The following MEI4 variants were observed in gnomAD, a reference collection of about 807,000 sequenced individuals.
MEI4 encodes meiotic double-stranded break formation protein 4.
Under a neutral mutation model 31.4 loss-of-function variants are expected in MEI4, and 27 were observed. That is an observed-to-expected ratio of 0.86 (90% CI 0.63 to 1.19). The LOEUF is 1.19. Among genes scored for constraint, MEI4 ranks in the 50% most tolerant of loss-of-function variants. The pLI is 0.00. For missense variants in MEI4, 329 were observed against 398.9 expected, an observed-to-expected ratio of 0.82 and a Z score of 1.49; for synonymous variants, 122 against 145.4, an observed-to-expected ratio of 0.84 and a Z score of 1.16.
intron 1 of MEI4, among the ~76,000 whole-genome samples, chr6:77,674,058 G>C (rs1383345316): frequency 2.0e-5 from 3 of 152,192 alleles, no homozygotes; most frequent in Non-Finnish European, 4.4e-5. Flanking sequence ...GTTTCAGGTA[G>C]AACTGAAATG....
chr6:77,680,171 C>G (rs13192737), intron 1 of MEI4, among the ~76,000 whole-genome samples: 2 of 142,490 alleles, frequency 1.4e-5, no homozygotes, highest in Non-Finnish European at 3.0e-5. Flanking sequence ...CCCAGCTACT[C>G]AGGAGGCTGA....
intron 4 of MEI4, among the ~76,000 whole-genome samples, chr6:77,921,304 T>A (rs1191250297): frequency 6.6e-6 from 1 of 151,888 alleles, no homozygotes; most frequent in Non-Finnish European, 1.5e-5. Context: ...CTGCTATCTA[T>A]CTTCAGAGTG....
chr6:77,877,869 A>G (rs996104111), intron 4 of MEI4, among the ~76,000 whole-genome samples: 3 of 152,094 alleles, frequency 2.0e-5, no homozygotes, highest in African/African-American at 7.2e-5. Context: ...ACAAAAAAAA[A>G]GATTGCTTGT....
chr6:77,735,796 G>A (rs541240632), intron 2 of MEI4, among the ~76,000 whole-genome samples: 2 of 152,144 alleles, frequency 1.3e-5, no homozygotes, highest in African/African-American at 2.4e-5. Context: ...TGATGGTGAC[G>A]TACAGATGGG....
intron 4 of MEI4, among the ~76,000 whole-genome samples, chr6:77,904,251 T>C (rs533301586): frequency 6.6e-6 from 1 of 152,308 alleles, no homozygotes; most frequent in East Asian, 1.9e-4. Context: ...ACGTAAAGCA[T>C]CTTATAGTTA....
chr6:77,864,912 T>C (rs1036219410), intron 4 of MEI4, among the ~76,000 whole-genome samples: 1 of 152,120 alleles, frequency 6.6e-6, no homozygotes, highest in African/African-American at 2.4e-5. Context: ...AAACTAGGAC[T>C]CAGGATTAAG....
intron 2 of MEI4, among the ~76,000 whole-genome samples, chr6:77,707,702 G>C (rs1161832712): frequency 4.6e-5 from 7 of 152,222 alleles, no homozygotes; most frequent in Non-Finnish European, 8.8e-5. Flanking sequence ...ATGGTTTTCT[G>C]AGTCAGGCCC....
At chr6:77,687,196 G>C (rs759332778) in intron 1 of MEI4, among the ~76,000 whole-genome samples, 1 of 151,998 alleles carries the variant, frequency 6.6e-6, no homozygotes, top group Non-Finnish European at 1.5e-5. Context: ...CAAGTAAGCT[G>C]TGCTGGAATT....
At chr6:77,685,312 C>CTTTTTTT (rs56264627) in intron 1 of MEI4, among the ~76,000 whole-genome samples, 1 of 128,230 alleles carries the variant, frequency 7.8e-6, no homozygotes. Context: ...TGTCCCTTCA[C>CTTTTTTT]TTTTTTTTTT....
chr6:77,781,018 C>G (rs1384628), intron 3 of MEI4, among the ~76,000 whole-genome samples: 31,218 of 151,958 alleles, frequency 0.21, 3,576 homozygotes, highest in African/African-American at 0.3. Flanking sequence ...TCTCTAGTAG[C>G]CGAGACTGCA....
At chr6:77,731,485 T>G (rs932342464) in intron 2 of MEI4, among the ~76,000 whole-genome samples, 11 of 151,448 alleles carry the variant, frequency 7.3e-5, no homozygotes, top group Admixed American at 6.6e-4. Context: ...GTTTGTTTTT[T>G]TCTTGTAAAT....
intron 4 of MEI4, among the ~76,000 whole-genome samples, chr6:77,857,391 C>T (rs1770771202): frequency 6.6e-6 from 1 of 152,138 alleles, no homozygotes; most frequent in African/African-American, 2.4e-5. Flanking sequence ...TTGGCTTCAT[C>T]ACAAAGAATG....
At chr6:77,692,391 TCTTTA>T (rs1172311956) in intron 2 of MEI4, among the ~76,000 whole-genome samples, 2 of 152,062 alleles carry the variant, frequency 1.3e-5, no homozygotes, top group Non-Finnish European at 2.9e-5. Flanking sequence ...TTCTCAGGTC[TCTTTA>T]CTTGTTGCCC....
At chr6:77,699,204 T>TTG (rs1766141428) in intron 2 of MEI4, among the ~76,000 whole-genome samples, 1 of 148,484 alleles carries the variant, frequency 6.7e-6, no homozygotes, top group Admixed American at 6.7e-5. Context: ...TTTTTTTTTT[T>TTG]TTTGAGACGG....
At chr6:77,661,738 G>T (rs1465012146) in intron 1 of MEI4, among the ~76,000 whole-genome samples, 1 of 152,110 alleles carries the variant, frequency 6.6e-6, no homozygotes, top group Non-Finnish European at 1.5e-5. Flanking sequence ...GGACCTGTGA[G>T]GCTGGAAGGA....
intron 4 of MEI4, among the ~76,000 whole-genome samples, chr6:77,894,924 T>G (rs1191973475): frequency 6.6e-6 from 1 of 152,198 alleles, no homozygotes; most frequent in Non-Finnish European, 1.5e-5. Flanking sequence ...TTTAGAGTCC[T>G]AGGAAGAATA....
rs568306175 is a variant in MEI4 at position 77,858,804 on chromosome 6, A to G, written c.900+29742A>G. On this transcript the variant is annotated intron_variant, in intron 4 of 4. Transcript: ENST00000684080. ...CTATACAGTTTAAGCAGGATATACTACAATTTTTTTTTTGTAATTCCCTTT... is the reference window on the plus strand; with the variant it reads ...CTATACAGTTTAAGCAGGATATACTGCAATTTTTTTTTTGTAATTCCCTTT... 2.8e-5 allele frequency among the ~76,000 whole-genome samples: 3 copies of G among 106,842 alleles called. No homozygotes were observed. The East Asian group carries it at 9.5e-4, about 34-fold the overall frequency. 70.1% of individuals were successfully genotyped at this position (106,842 alleles called of 152,430 possible). A position where few individuals can be genotyped will look rare whatever the true frequency, so the allele number is the denominator to read the frequency against.
intron 4 of MEI4, among the ~76,000 whole-genome samples, chr6:77,861,787 A>T (rs1431345162): frequency 6.6e-6 from 1 of 152,192 alleles, no homozygotes; most frequent in Non-Finnish European, 1.5e-5. Flanking sequence ...AGGATTAATG[A>T]TGTAGTACAT....
At chr6:77,812,320 AAAGC>A (rs753993687) in intron 3 of MEI4, among the ~76,000 whole-genome samples, 3 of 152,178 alleles carry the variant, frequency 2.0e-5, no homozygotes, top group African/African-American at 4.8e-5. Context: ...CAAATAAAGA[AAAGC>A]AAGCAAGAAA....
Sources: allele counts gnomAD v4.1 joint callset (sites outside exome capture counted in the v4.1 genomes callset), GRCh38; gene constraint gnomAD v4.1.1; transcripts MANE v1.5; gene names NCBI Gene and HGNC (gene_info 2026-07-23, HGNC 2026-07-21).